CALN1: variants seen among roughly 807,000 people sequenced by gnomAD.
The protein encoded by CALN1 is calcium-binding protein 8.
A neutral mutation model predicts 30.6 loss-of-function variants in CALN1; 17 were observed. The ratio of observed to expected loss-of-function variants is 0.56; its 90% CI spans 0.38 to 0.83. CALN1 has a LOEUF of 0.83. Among genes scored for constraint, CALN1 ranks in the 40% least tolerant of loss-of-function variants. The pLI, the probability that CALN1 is intolerant of heterozygous loss-of-function variation, is 0.00. For synonymous variants in CALN1, 156 were observed against 131.4 expected, an observed-to-expected ratio of 1.19 and a Z score of -1.28; for missense variants, 291 against 354.9, an observed-to-expected ratio of 0.82 and a Z score of 1.45.
chr7:71,839,343 C>A (rs1216379438), intron 5 of CALN1, among the ~76,000 whole-genome samples: 2 of 152,048 alleles, frequency 1.3e-5, no homozygotes, highest in African/African-American at 4.8e-5. Flanking sequence ...ACCAGCCTGG[C>A]CAACATGATG....
intron 3 of CALN1, 58 bp downstream of exon 3, chr7:72,278,628 A>G: frequency 2.5e-6 from 4 of 1,587,166 alleles, no homozygotes; most frequent in East Asian, 2.3e-5. Context: ...GCTTCACAAT[A>G]GCCAGAAACA....
intron 5 of CALN1, among the ~76,000 whole-genome samples, chr7:71,882,850 TTGTGTGTGTGTGTGTG>T (rs34870061): frequency 0.01 from 1,326 of 131,016 alleles, 14 homozygotes; most frequent in African/African-American, 0.036. Context: ...CCCATCTAAT[TTGTGTGTGTGTGTGTG>T]TGTGTGTGTG....
chr7:71,791,718 A>G (rs1435506215), intron 6 of CALN1, among the ~76,000 whole-genome samples: 1 of 152,220 alleles, frequency 6.6e-6, no homozygotes, highest in Non-Finnish European at 1.5e-5. Context: ...AGTTAAAAAA[A>G]TGGCATTGAG....
At chr7:72,313,769 C>T (rs901584913) in intron 2 of CALN1, among the ~76,000 whole-genome samples, 2 of 152,148 alleles carry the variant, frequency 1.3e-5, no homozygotes, top group African/African-American at 2.4e-5. Flanking sequence ...AACTCATTTT[C>T]CCCTCTCTTT....
At chr7:72,061,906 T>C (rs1803682305) in intron 4 of CALN1, among the ~76,000 whole-genome samples, 1 of 151,176 alleles carries the variant, frequency 6.6e-6, no homozygotes, top group Non-Finnish European at 1.5e-5. Flanking sequence ...CACAATCAAA[T>C]TGCTGAAGAA....
chr7:71,789,404 G>A (rs778035491), intron 6 of CALN1, among the ~76,000 whole-genome samples: 13 of 151,434 alleles, frequency 8.6e-5, no homozygotes, highest in East Asian at 1.9e-4. Flanking sequence ...GAGACAGAGC[G>A]AGACTCTGTC....
intron 3 of CALN1, among the ~76,000 whole-genome samples, chr7:72,149,125 C>A (rs1299591159): frequency 3.3e-5 from 5 of 152,064 alleles, no homozygotes; most frequent in African/African-American, 1.2e-4. Flanking sequence ...GAAGCAGATG[C>A]TGACACTATG....
intron 6 of CALN1, among the ~76,000 whole-genome samples, chr7:71,799,615 G>A (rs933565170): frequency 1.7e-4 from 26 of 151,938 alleles, no homozygotes; most frequent in Middle Eastern, 3.4e-3. Flanking sequence ...ACAGGTGCCC[G>A]CCACCATACC....
intron 4 of CALN1, among the ~76,000 whole-genome samples, chr7:72,028,182 A>G (rs985978001): frequency 6.6e-6 from 1 of 151,906 alleles, no homozygotes; most frequent in Non-Finnish European, 1.5e-5. Flanking sequence ...ATAGTTTACG[A>G]GATGTGGCAA....
chr7:72,499,933 A>G, the CALN1 span, among the ~76,000 whole-genome samples: 2 of 136,520 alleles, frequency 1.5e-5, no homozygotes, highest in African/African-American at 2.8e-5. Context: ...CTTTTTTGAG[A>G]CAGTGTCTCG....
At chr7:72,092,539 CATA>C (rs1456961999) in intron 4 of CALN1, among the ~76,000 whole-genome samples, 1 of 150,102 alleles carries the variant, frequency 6.7e-6, no homozygotes, top group Non-Finnish European at 1.5e-5. Flanking sequence ...TAGAGTCTCC[CATA>C]ATAATTGTGT....
At chr7:72,088,553 GC>G (rs1317565738) in intron 4 of CALN1, among the ~76,000 whole-genome samples, 2 of 151,850 alleles carry the variant, frequency 1.3e-5, no homozygotes, top group Non-Finnish European at 2.9e-5. Flanking sequence ...ACAAAAATTA[GC>G]CAGGCATGGT....
intron 1 of CALN1, among the ~76,000 whole-genome samples, 190 bp downstream of exon 1, chr7:72,411,868 A>C (rs895800078): frequency 1.3e-5 from 2 of 152,226 alleles, no homozygotes; most frequent in African/African-American, 2.4e-5. Context: ...AGGATAACCA[A>C]ATAGTTGATG....
At chr7:72,365,436 TACGTTTTCTAAA>T (rs1337100389) in intron 2 of CALN1, among the ~76,000 whole-genome samples, 2 of 152,044 alleles carry the variant, frequency 1.3e-5, no homozygotes, top group Non-Finnish European at 2.9e-5. Context: ...AAATGAGAAA[TACGTTTTCTAAA>T]AAATGTTTAT....
intron 4 of CALN1, among the ~76,000 whole-genome samples, chr7:72,088,012 GA>G (rs1805593671): frequency 6.6e-6 from 1 of 151,992 alleles, no homozygotes; most frequent in East Asian, 1.9e-4. Flanking sequence ...AAAAGAAATT[GA>G]AAAAATTTGC....
chr7:71,918,784 G>C (rs1484500172), intron 5 of CALN1, among the ~76,000 whole-genome samples: 1 of 152,070 alleles, frequency 6.6e-6, no homozygotes, highest in Non-Finnish European at 1.5e-5. Flanking sequence ...CCAGCCCCCA[G>C]CTCCTTGGAA....
intron 3 of CALN1, among the ~76,000 whole-genome samples, chr7:72,203,737 G>A (rs1340583842): frequency 6.6e-6 from 1 of 152,094 alleles, no homozygotes; most frequent in African/African-American, 2.4e-5. Flanking sequence ...TTCCCAAACA[G>A]GGCAACATCA....
At chr7:72,102,544 C>A (rs914330978) in intron 4 of CALN1, among the ~76,000 whole-genome samples, 1 of 152,016 alleles carries the variant, frequency 6.6e-6, no homozygotes, top group Non-Finnish European at 1.5e-5. Flanking sequence ...GCTGTTATGT[C>A]CATACAGTGG....
rs568649882 is a variant in CALN1 at position 72,363,719 on chromosome 7, A to G, written c.119+39532T>C. 7.8e-5 allele frequency among the ~76,000 whole-genome samples: 11 copies of G among 140,676 alleles called. No individual in the cohort carries two copies. The East Asian group carries it at 2.2e-3, about 29-fold the overall frequency. 92.3% of individuals were successfully genotyped at this position (140,676 alleles called of 152,430 possible). ...AGGCTACTTGCAACATATGGTTAAA[A>G]AAAACTTTTTTTTTTTTTTTTTTTT... On this transcript the variant is annotated intron_variant, in intron 2 of 6. Transcript: ENST00000395275.
Sources: gnomAD v4.1 joint callset for allele counts (sites outside exome capture counted in the v4.1 genomes callset) on GRCh38, gnomAD v4.1.1 for gene constraint, MANE v1.5 for transcripts, NCBI Gene and HGNC (gene_info 2026-07-23, HGNC 2026-07-21) for gene names.